The following EPHA3 variants were observed in gnomAD, a reference collection of about 807,000 sequenced individuals.
EPHA3 encodes EPH receptor A3.
EPHA3 carries 42 observed loss-of-function variants against 107.1 expected under a neutral mutation model. The ratio of observed to expected loss-of-function variants is 0.39; its 90% CI spans 0.31 to 0.51. The LOEUF (loss-of-function observed/expected upper bound fraction) is 0.51. Among genes scored for constraint, EPHA3 ranks in the 20% least tolerant of loss-of-function variants. The pLI is 0.78. For synonymous variants in EPHA3, 461 were observed against 424.8 expected (o/e 1.09, Z -1.05); for missense variants, 1,183 against 1,211.2 (o/e 0.98, Z 0.35).
rs1210690957 is a variant in EPHA3 at position 89,407,358 on chromosome 3, G to C, written c.1684G>C (p.Val562Leu). ...TATTCTCCTCACTGTTGTCATCTAT[G>C]TTTTGATTGGGAGGTGAGTTCACAG... The part of the protein sequence containing the change: ...AIILLTVVIY[V>L]LIGRFCGYKS... The change falls in exon 8 of 17, where the codon GTT becomes CTT. Residue 562 changes from valine to leucine, a missense_variant. Coordinates refer to ENST00000336596, the MANE Select transcript of EPHA3 (RefSeq NM_005233.6). The C allele has an allele frequency of 1.2e-6, 2 of 1,613,220 alleles. No individual in the cohort carries two copies. The highest frequency in any genetic ancestry group is 3.3e-5 in the Admixed American group (2 of 59,946).
chr3:89,394,109 C>T (rs1349196994), intron 5 of EPHA3, among the ~76,000 whole-genome samples: 1 of 152,076 alleles, frequency 6.6e-6, no homozygotes, highest in African/African-American at 2.4e-5. Context: ...TACATTTTTC[C>T]TTGGCAAAAG....
At chr3:89,313,090 G>A (rs1259361025) in intron 3 of EPHA3, among the ~76,000 whole-genome samples, 1 of 151,512 alleles carries the variant, frequency 6.6e-6, no homozygotes, top group Non-Finnish European at 1.5e-5. Flanking sequence ...TATTCCTTTG[G>A]GTATATACCC....
intron 1 of EPHA3, among the ~76,000 whole-genome samples, chr3:89,116,199 C>A (rs796387687): frequency 3.3e-5 from 5 of 152,132 alleles, no homozygotes; most frequent in African/African-American, 1.2e-4. Context: ...CCTTTCATCA[C>A]CCTGGAAAGA....
At chr3:89,135,645 C>A (rs1704294664) in intron 2 of EPHA3, among the ~76,000 whole-genome samples, 1 of 150,754 alleles carries the variant, frequency 6.6e-6, no homozygotes, top group Admixed American at 6.6e-5. Flanking sequence ...ACGCATATAT[C>A]TTGAATAATC....
intron 5 of EPHA3, among the ~76,000 whole-genome samples, chr3:89,375,955 G>GAC (rs1559671242): frequency 4.0e-5 from 6 of 151,846 alleles, no homozygotes. Flanking sequence ...AAAGGCAGGC[G>GAC]ACACATCTGC....
chr3:89,138,469 G>A (rs1704360981), intron 2 of EPHA3, among the ~76,000 whole-genome samples: 1 of 151,878 alleles, frequency 6.6e-6, no homozygotes, highest in African/African-American at 2.4e-5. Context: ...ATACAGAATT[G>A]GAAAGTCCCT....
chr3:89,244,932 C>T (rs1210426187), intron 3 of EPHA3, among the ~76,000 whole-genome samples: 2 of 152,174 alleles, frequency 1.3e-5, no homozygotes, highest in Non-Finnish European at 2.9e-5. Context: ...TTGCAGTTAA[C>T]CCTGCAGATG....
intron 2 of EPHA3, among the ~76,000 whole-genome samples, chr3:89,142,343 T>G (rs9868838): frequency 6.6e-6 from 1 of 150,942 alleles, no homozygotes; most frequent in African/African-American, 2.4e-5. Context: ...GGGAGAGGAG[T>G]TATTGTTTAA....
intron 5 of EPHA3, among the ~76,000 whole-genome samples, chr3:89,351,932 A>AAAG: frequency 6.6e-6 from 1 of 150,986 alleles, no homozygotes; most frequent in African/African-American, 2.4e-5. Flanking sequence ...ATGCAAAAAA[A>AAAG]AAAAAAAAAG....
At chr3:89,401,776 T>A (rs1441029380) in intron 7 of EPHA3, among the ~76,000 whole-genome samples, 2 of 152,016 alleles carry the variant, frequency 1.3e-5, no homozygotes, top group Non-Finnish European at 2.9e-5. Context: ...TCTGGCTAAT[T>A]TTTTTTGTAT....
chr3:89,443,091 T>A (rs1188763662), intron 13 of EPHA3, among the ~76,000 whole-genome samples: 1 of 152,242 alleles, frequency 6.6e-6, no homozygotes, highest in Non-Finnish European at 1.5e-5. Flanking sequence ...GTAATTTTTT[T>A]AATGTTTTAA....
intron 5 of EPHA3, among the ~76,000 whole-genome samples, chr3:89,394,125 G>A (rs572984009): frequency 1.9e-4 from 29 of 152,292 alleles, no homozygotes; most frequent in African/African-American, 7.0e-4. Flanking sequence ...AAAAGATTAA[G>A]TCAGGCCAAG....
intron 5 of EPHA3, among the ~76,000 whole-genome samples, chr3:89,382,105 G>A (rs544894064): frequency 6.6e-6 from 1 of 152,124 alleles, no homozygotes; most frequent in East Asian, 1.9e-4. Context: ...TTGCTTGCTT[G>A]AAAAAAGTTC....
chr3:89,199,272 A>G (rs1361517085), intron 2 of EPHA3, among the ~76,000 whole-genome samples: 1 of 152,206 alleles, frequency 6.6e-6, no homozygotes, highest in Non-Finnish European at 1.5e-5. Context: ...ATAATGGTAT[A>G]CTTCATCACG....
chr3:89,410,413 A>C (rs1709137284), intron 9 of EPHA3, among the ~76,000 whole-genome samples: 3 of 151,980 alleles, frequency 2.0e-5, no homozygotes, highest in Non-Finnish European at 4.4e-5. Context: ...AAAATATGTG[A>C]GACATTGTTC....
intron 2 of EPHA3, among the ~76,000 whole-genome samples, chr3:89,148,087 C>T (rs1704607379): frequency 6.6e-6 from 1 of 151,822 alleles, no homozygotes; most frequent in South Asian, 2.1e-4. Context: ...GGAAAAAATG[C>T]ATGAACTTGT....
chr3:89,351,161 C>G lies in EPHA3; in HGVS notation c.1306+9071C>G, dbSNP rs1440141113. ...GGGCTCCACCCAGTTCGAGCTTCCC[C>G]GCTGCTTTGTTTACCTAAGCAAGCC... is the stretch of plus-strand genomic sequence containing the variant. On this transcript the variant is annotated intron_variant, in intron 5 of 16. Transcript: ENST00000336596. 6.0e-3 allele frequency among the ~76,000 whole-genome samples: 911 copies of G among 151,000 alleles called. 15 individuals carry two copies. The highest frequency in any genetic ancestry group is 0.016 in the African/African-American group (650 of 41,406).
intron 13 of EPHA3, among the ~76,000 whole-genome samples, chr3:89,443,147 T>C (rs890750200): frequency 3.3e-5 from 5 of 152,234 alleles, no homozygotes; most frequent in African/African-American, 1.2e-4. Flanking sequence ...TCCATGTGTG[T>C]AGACTAAAAT....
chr3:89,302,659 T>A (rs762747028), intron 3 of EPHA3, among the ~76,000 whole-genome samples: 1 of 152,170 alleles, frequency 6.6e-6, no homozygotes, highest in Non-Finnish European at 1.5e-5. Flanking sequence ...TTTTAAGATA[T>A]CTTTAAAAAA....
Sources: allele counts gnomAD v4.1 joint callset (sites outside exome capture counted in the v4.1 genomes callset), GRCh38; gene constraint gnomAD v4.1.1; transcripts MANE v1.5; gene names NCBI Gene and HGNC (gene_info 2026-07-23, HGNC 2026-07-21).